ELF2: variants seen among roughly 807,000 people sequenced by gnomAD.
The protein encoded by ELF2 is E74 like ETS transcription factor 2.
In ELF2, 11 loss-of-function variants were observed where a neutral mutation model predicts 54.8. The ratio of observed to expected loss-of-function variants is 0.20; its 90% CI spans 0.13 to 0.33. The LOEUF is 0.33. Among genes scored for constraint, ELF2 ranks in the 10% least tolerant of loss-of-function variants. The pLI, the probability that ELF2 is intolerant of heterozygous loss-of-function variation, is 1.00. For synonymous variants in ELF2, 203 were observed against 245.1 expected (o/e 0.83, Z 1.61); for missense variants, 513 against 703.0 (o/e 0.73, Z 3.06).
intron 4 of ELF2, chr4:139,084,055 C>T (rs1731597792): frequency 3.1e-6 from 5 of 1,606,300 alleles, no homozygotes; most frequent in Non-Finnish European, 4.2e-6. Flanking sequence ...CAGACTGCTA[C>T]AGGGGAGTCA....
rs185281710 is a variant in ELF2, at chr4:139,070,025, C to T, written c.526+1841G>A. Among the ~76,000 whole-genome samples, 106 of 150,420 alleles carry T rather than the reference C, an allele frequency of 7.0e-4. 1 individual carries two copies. The highest frequency in any genetic ancestry group is 2.4e-3 in the African/African-American group (100 of 40,946). On this transcript the variant is annotated intron_variant, in intron 6 of 9. Coordinates refer to ENST00000686138, the MANE Select transcript of ELF2 (RefSeq NM_001331036.3). ...CTGGCTAATTTTTTTTTTTATTCCT[C>T]GAGATGAGGTCTCACTATGTTGGCC... is the stretch of plus-strand genomic sequence containing the variant.
Position 139,059,590 on chromosome 4 carries a change from A to C in ELF2, c.1175T>G (p.Met392Arg). The C allele has an allele frequency of 6.2e-7, 1 of 1,611,622 alleles. No individual in the cohort carries two copies. The highest frequency in any genetic ancestry group is 8.5e-7 in the Non-Finnish European group (1 of 1,179,796). ...TGATGTCATTACAACAGGTACCTGC[A>C]TTGCCACACGAACTGTCCTAGTACA... ...TAAPRTVRVA[M>R]QVPVVMTSLG... Residue 392 changes from methionine (M) to arginine (R), a missense_variant, in exon 10 of 10, where the codon ATG (methionine) becomes AGG (arginine). Physicochemically the swap from Met to Arg is moderately conservative, Grantham distance 91 (BLOSUM62 -1). Around this residue, in one of 3 missense-constraint regions of ELF2, gnomAD observed 291 missense variants for 366.1 expected, o/e 0.79. Coordinates refer to ENST00000686138, the MANE Select transcript of ELF2 (RefSeq NM_001331036.3).
rs372151921 is a variant in ELF2, at chr4:139,147,889, C to T, written c.-251-8392G>A. On this transcript the variant is annotated intron_variant, in intron 1 of 9. Transcript: ENST00000686138. ...GCAACCTCCGCCTCCCAGGTTCAAG[C>T]GATTCTCCTGTCTCAGCCTCCCGAG... 2.1e-4 allele frequency among the ~76,000 whole-genome samples: 32 copies of T among 150,502 alleles called. No homozygotes were observed. In the East Asian group the frequency reaches 5.1e-3, roughly 24 times the overall value.
intron 4 of ELF2, among the ~76,000 whole-genome samples, chr4:139,112,241 A>G (rs1735026030): frequency 6.6e-6 from 1 of 152,176 alleles, no homozygotes; most frequent in Non-Finnish European, 1.5e-5. Flanking sequence ...CAACCTTGCT[A>G]TTCTCTGCCT....
intron 5 of ELF2, among the ~76,000 whole-genome samples, chr4:139,073,011 T>C (rs1275247911): frequency 6.6e-6 from 1 of 152,208 alleles, no homozygotes; most frequent in African/African-American, 2.4e-5. Context: ...AAACTCACAC[T>C]GAAGGATGTG....
chr4:139,060,015 T>C (rs1044205076), intron 9 of ELF2, among the ~76,000 whole-genome samples: 2 of 152,016 alleles, frequency 1.3e-5, no homozygotes, highest in African/African-American at 2.4e-5. Context: ...GCTCAGCAAT[T>C]TTTTATTTTT....
chr4:139,111,318 AACTT>A (rs1734921860), intron 4 of ELF2, among the ~76,000 whole-genome samples: 10 of 152,230 alleles, frequency 6.6e-5, no homozygotes, highest in Admixed American at 4.6e-4. Flanking sequence ...GAAATATATT[AACTT>A]ACGCTGTCTA....
intron 1 of ELF2, among the ~76,000 whole-genome samples, chr4:139,143,479 C>A (rs755460983): frequency 4.6e-5 from 7 of 152,160 alleles, no homozygotes; most frequent in Non-Finnish European, 1.0e-4. Context: ...TTGAGAGCCA[C>A]ACATTAAAGA....
In ELF2 at chr4:139,062,070, T is replaced by A; in HGVS notation, c.614-13A>T. The A allele has an allele frequency of 6.2e-7, 1 of 1,602,710 alleles. No individual in the cohort carries two copies. On this transcript the variant is annotated splice_polypyrimidine_tract_variant and intron_variant, in intron 7 of 9. Transcript: ENST00000686138. ...TAGGTTGTGTTTCCTTTAAAAACAA[T>A]GACAGACATTGATTAAAATTCATTA...
At chr4:139,119,074 A>G (rs1344697896) in intron 4 of ELF2, among the ~76,000 whole-genome samples, 1 of 152,234 alleles carries the variant, frequency 6.6e-6, no homozygotes, top group Non-Finnish European at 1.5e-5. Context: ...ATTTTCTATC[A>G]TATTTGACTA....
intron 1 of ELF2, among the ~76,000 whole-genome samples, chr4:139,159,282 C>T (rs1740862692): frequency 6.6e-6 from 1 of 152,246 alleles, no homozygotes; most frequent in East Asian, 1.9e-4. Flanking sequence ...ACAATGATTT[C>T]CTTGAGGATA....
At chr4:139,084,064 C>T (rs1731600907) in intron 4 of ELF2, 2 of 1,608,844 alleles carry the variant, frequency 1.2e-6, no homozygotes, top group Non-Finnish European at 1.7e-6. Context: ...ACAGGGGAGT[C>T]ACCCCGCCTT....
intron 3 of ELF2, among the ~76,000 whole-genome samples, chr4:139,133,455 C>T (rs1737760431): frequency 6.6e-6 from 1 of 152,170 alleles, no homozygotes; most frequent in South Asian, 2.1e-4. Context: ...TCAATTAGTG[C>T]AGCTTTATAG....
chr4:139,164,560 C>G (rs1741536040), intron 1 of ELF2, among the ~76,000 whole-genome samples: 1 of 152,152 alleles, frequency 6.6e-6, no homozygotes, highest in African/African-American at 2.4e-5. Flanking sequence ...TCACTTGAAC[C>G]TGGGAAGTAG....
chr4:139,135,851 AT>A (rs944032853), intron 3 of ELF2, among the ~76,000 whole-genome samples: 3 of 152,188 alleles, frequency 2.0e-5, no homozygotes, highest in African/African-American at 7.2e-5. Flanking sequence ...AAGTCATTTC[AT>A]TTATGAGATT....
chr4:139,161,651 T>TAAA lies in ELF2; in HGVS notation c.-252+15315_-252+15316insTTT, dbSNP rs1560884167. ...TCACAAATAGTCTACGTAAAACTGT[T>TAAA]TAAAAAAAAAAAAAAAAAAAAAAAA... On this transcript the variant is annotated intron_variant, in intron 1 of 9. Coordinates refer to ENST00000686138, the MANE Select transcript of ELF2 (RefSeq NM_001331036.3). 1.2e-4 allele frequency among the ~76,000 whole-genome samples: 12 copies of TAAA among 101,876 alleles called. 1 individual carries two copies. Among genetic ancestry groups the TAAA allele is most frequent in the African/African-American group, 4.8e-4 (12 of 24,780 alleles). The allele number at this position is 101,876 out of a possible 152,430, so 66.8% of individuals were successfully genotyped here.
intron 6 of ELF2, among the ~76,000 whole-genome samples, chr4:139,069,284 T>A (rs1234085272): frequency 6.6e-6 from 1 of 152,224 alleles, no homozygotes; most frequent in Non-Finnish European, 1.5e-5. Context: ...AAGAGCTAAT[T>A]AAAGCATCTT....
intron 3 of ELF2, among the ~76,000 whole-genome samples, chr4:139,132,186 A>G (rs1280501581): frequency 6.6e-6 from 1 of 152,228 alleles, no homozygotes; most frequent in Non-Finnish European, 1.5e-5. Flanking sequence ...AAAAATAACA[A>G]TTGGTACAAA....
At chr4:139,112,780 C>T (rs1490457309) in intron 4 of ELF2, among the ~76,000 whole-genome samples, 2 of 151,928 alleles carry the variant, frequency 1.3e-5, no homozygotes, top group Non-Finnish European at 1.5e-5. Flanking sequence ...TAAAAGTTAA[C>T]TAGTGTTTCT....
Sources: allele counts gnomAD v4.1 joint callset (sites outside exome capture counted in the v4.1 genomes callset), GRCh38; gene constraint gnomAD v4.1.1; regional missense constraint gnomAD v4.1.1; transcripts MANE v1.5; gene names NCBI Gene and HGNC (gene_info 2026-07-23, HGNC 2026-07-21).